Variants in DDAH1 observed in about 807,000 individuals in gnomAD.
The protein encoded by DDAH1 is N(G),N(G)-dimethylarginine dimethylaminohydrolase 1.
A neutral mutation model predicts 28.8 loss-of-function variants in DDAH1; 19 were observed. The observed-to-expected ratio is 0.66, with a 90% CI of 0.46 to 0.97. The LOEUF (loss-of-function observed/expected upper bound fraction) is 0.97, where lower values mean the gene tolerates loss of function less well. Ranked by LOEUF, DDAH1 falls within the 50% of genes least tolerant of loss-of-function variation. The pLI, the probability that DDAH1 is intolerant of heterozygous loss-of-function variation, is 0.00. For missense variants in DDAH1, 326 were observed against 375.9 expected, an observed-to-expected ratio of 0.87 and a Z score of 1.10; for synonymous variants, 153 against 154.4, an observed-to-expected ratio of 0.99 and a Z score of 0.07.
At chr1:85,386,855 T>C (rs1417855405) in intron 1 of DDAH1, among the ~76,000 whole-genome samples, 1 of 152,156 alleles carries the variant, frequency 6.6e-6, no homozygotes, top group African/African-American at 2.4e-5. Flanking sequence ...CAAGCCTCCA[T>C]CACCCTTGCA....
At chr1:85,566,768 G>A (rs896717567) in intron 1 of DDAH1, among the ~76,000 whole-genome samples, 10 of 152,080 alleles carry the variant, frequency 6.6e-5, no homozygotes, top group African/African-American at 2.2e-4. Flanking sequence ...ATGTATGTAT[G>A]TATATATGTG....
intron 3 of DDAH1, among the ~76,000 whole-genome samples, chr1:85,351,023 A>T (rs935309283): frequency 2.6e-5 from 4 of 152,124 alleles, no homozygotes; most frequent in Non-Finnish European, 5.9e-5. Flanking sequence ...ATCTAAAAAA[A>T]ATCTGTATTT....
upstream of DDAH1, chr1:85,465,169 G>A (rs1419468350): frequency 3.5e-6 from 4 of 1,147,442 alleles, no homozygotes; most frequent in East Asian, 4.4e-5. Context: ...TGGTGCAGAA[G>A]GAGCCCAGCT....
intron 1 of DDAH1, among the ~76,000 whole-genome samples, chr1:85,411,678 C>T (rs1170176491): frequency 6.6e-6 from 1 of 152,198 alleles, no homozygotes; most frequent in Non-Finnish European, 1.5e-5. Flanking sequence ...GAGACATCTG[C>T]AGTTCCTGAT....
chr1:85,374,220 G>A (rs1020341332), intron 1 of DDAH1, among the ~76,000 whole-genome samples: 77 of 152,204 alleles, frequency 5.1e-4, no homozygotes, highest in African/African-American at 1.9e-3. Flanking sequence ...CTCACTGTTG[G>A]AGTCCCCATA....
At chr1:85,465,683 C>CGT (rs1292866930), upstream of DDAH1, among the ~76,000 whole-genome samples, 2 of 151,984 alleles carry the variant, frequency 1.3e-5, no homozygotes, top group Non-Finnish European at 2.9e-5. Context: ...TGTGTGTTCG[C>CGT]GTGTGTGTGT....
intron 1 of DDAH1, among the ~76,000 whole-genome samples, chr1:85,436,501 T>C (rs560802738): frequency 2.0e-5 from 3 of 152,334 alleles, no homozygotes; most frequent in Admixed American, 1.3e-4. Context: ...TGAGAAAGCA[T>C]GTACTGCTGA....
At chr1:85,405,846 T>C (rs558393571) in intron 1 of DDAH1, among the ~76,000 whole-genome samples, 2 of 152,178 alleles carry the variant, frequency 1.3e-5, no homozygotes, top group Non-Finnish European at 2.9e-5. Flanking sequence ...GCTGCCCTCA[T>C]GTAATGAATG....
chr1:85,487,832 G>A (rs1656256501), intron 2 of DDAH1, among the ~76,000 whole-genome samples: 1 of 151,926 alleles, frequency 6.6e-6, no homozygotes, highest in South Asian at 2.1e-4. Context: ...AACTCCCATT[G>A]CAGTACACAT....
chr1:85,455,960 A>G (rs1427182912), intron 1 of DDAH1, among the ~76,000 whole-genome samples: 1 of 152,226 alleles, frequency 6.6e-6, no homozygotes, highest in Non-Finnish European at 1.5e-5. Flanking sequence ...GAATAAAATC[A>G]GTATTTTTTA....
intron 1 of DDAH1, among the ~76,000 whole-genome samples, chr1:85,569,201 T>C (rs927178948): frequency 6.6e-6 from 1 of 152,232 alleles, no homozygotes; most frequent in Admixed American, 6.5e-5. Flanking sequence ...CAATTAGATT[T>C]TTAAAACATT....
Position 85,321,506 on chromosome 1 carries a change from C to T in DDAH1, c.804G>A (p.Val268=), listed in dbSNP as rs780475605. The T allele has an allele frequency of 6.8e-6, 11 of 1,614,182 alleles. No homozygotes were observed. The highest frequency in any genetic ancestry group is 9.3e-6 in the Non-Finnish European group (11 of 1,180,012). The change falls in exon 6 of 6, where the codon GTG becomes GTA. Residue 268 remains valine, a synonymous_variant. Transcript: ENST00000284031. ...CTGAGCAGCAGGTGAGCAGCCCATC[C>T]ACCTTTTCCAGTTCAGACATGCTCA... The part of the protein sequence containing the change: ...IPVSMSELEK[V]DGLLTCCSVL...
intron 4 of DDAH1, 27 bp from the exon 5 acceptor site, chr1:85,324,910 A>G: frequency 9.3e-6 from 15 of 1,611,776 alleles, no homozygotes; most frequent in Non-Finnish European, 1.2e-5. Flanking sequence ...AGCAGGCCTA[A>G]GAAGAGTAAC....
upstream of DDAH1, chr1:85,467,414 T>C (rs578133074): frequency 6.6e-6 from 1 of 152,384 alleles, no homozygotes; most frequent in East Asian, 1.9e-4. Context: ...ATGTTAGCCA[T>C]GTCTTTCCAT....
intron 1 of DDAH1, among the ~76,000 whole-genome samples, chr1:85,570,734 ATGG>A (rs1659431770): frequency 6.6e-6 from 1 of 152,180 alleles, no homozygotes; most frequent in South Asian, 2.1e-4. Flanking sequence ...TGTTCACGTG[ATGG>A]CAATGATCCC....
chr1:85,342,776 C>T lies in DDAH1; in HGVS notation c.597+7639G>A, dbSNP rs796438663. ...GTAAGCTGGGCACTTTTGGAAGTTGCAGATATCCTTGAAAGCAGTGGCTCT... is the reference window on the plus strand; with the variant it reads ...GTAAGCTGGGCACTTTTGGAAGTTGTAGATATCCTTGAAAGCAGTGGCTCT... On this transcript the variant is annotated intron_variant, in intron 4 of 5. Coordinates refer to ENST00000284031, the MANE Select transcript of DDAH1 (RefSeq NM_012137.4). Among the ~76,000 whole-genome samples the T allele has an allele frequency of 2.6e-5, 4 of 152,132 alleles. No homozygotes were observed. In the South Asian group the frequency reaches 6.2e-4, roughly 24 times the overall value.
chr1:85,342,959 G>A (rs986311469), intron 4 of DDAH1, among the ~76,000 whole-genome samples: 2 of 152,116 alleles, frequency 1.3e-5, no homozygotes, highest in African/African-American at 4.8e-5. Flanking sequence ...ACTCTCACTA[G>A]GAACCACTAA....
intron 2 of DDAH1, among the ~76,000 whole-genome samples, chr1:85,491,307 T>G (rs1400834699): frequency 6.6e-6 from 1 of 152,152 alleles, no homozygotes; most frequent in Admixed American, 6.6e-5. Context: ...TTGGGCCAAT[T>G]ATATTACTCC....
chr1:85,505,400 C>T (rs1240362571), intron 1 of DDAH1, among the ~76,000 whole-genome samples: 1 of 152,092 alleles, frequency 6.6e-6, no homozygotes, highest in Non-Finnish European at 1.5e-5. Context: ...ATAGCAGACA[C>T]TTCTAGGAAG....
Sources: gnomAD v4.1 joint callset for allele counts (sites outside exome capture counted in the v4.1 genomes callset) on GRCh38, gnomAD v4.1.1 for gene constraint, MANE v1.5 for transcripts, NCBI Gene and HGNC (gene_info 2026-07-23, HGNC 2026-07-21) for gene names.